SLC4A7: variants seen among roughly 807,000 people sequenced by gnomAD.
SLC4A7 encodes the protein solute carrier family 4 member 7, also known as sodium bicarbonate cotransporter 3.
SLC4A7 carries 51 observed loss-of-function variants against 137.6 expected under a neutral mutation model. That is an observed-to-expected ratio of 0.37 (90% CI 0.30 to 0.47). The LOEUF (loss-of-function observed/expected upper bound fraction) is 0.47, where lower values mean the gene tolerates loss of function less well. SLC4A7 is among the 20% of genes least tolerant of loss of function. The pLI is 1.00. For synonymous variants in SLC4A7, 542 were observed against 518.6 expected, an observed-to-expected ratio of 1.05 and a Z score of -0.61; for missense variants, 1,247 against 1,525.4, an observed-to-expected ratio of 0.82 and a Z score of 3.04.
chr3:27,466,887 A>T (rs1021279677), intron 1 of SLC4A7, among the ~76,000 whole-genome samples: 1 of 152,162 alleles, frequency 6.6e-6, no homozygotes, highest in Non-Finnish European at 1.5e-5. Context: ...AATTTTCTTT[A>T]TATTTTCCTA....
At position 27,376,835 on chromosome 3, in the gene SLC4A7, G is replaced by T; in HGVS notation, c.3709C>A (p.Pro1237Thr). The change falls in exon 26 of 26, where the codon CCT becomes ACT. Residue 1237 changes from proline (P) to threonine (T), a missense_variant. Coordinates refer to ENST00000454389, the MANE Select transcript of SLC4A7 (RefSeq NM_001321103.2). Reference sequence around the variant, plus strand: ...TCAAAACTTATTTTCACACTCACAGGTTTATCAGGACTATTTAAAACAAAG... The same window carrying T: ...TCAAAACTTATTTTCACACTCACAGTTTTATCAGGACTATTTAAAACAAAG... ...VTRSNMSPDK[P>T]VSVKISFEDE... 1 of 1,564,262 alleles carries T rather than the reference G, an allele frequency of 6.4e-7. No individual in the cohort carries two copies. The highest frequency in any genetic ancestry group is 8.8e-7 in the Non-Finnish European group (1 of 1,141,286).
At chr3:27,435,984 T>C (rs998842244) in intron 5 of SLC4A7, among the ~76,000 whole-genome samples, 1 of 152,248 alleles carries the variant, frequency 6.6e-6, no homozygotes, top group Non-Finnish European at 1.5e-5. Flanking sequence ...TTCCTGTCTA[T>C]ACTTCTCTAG....
chr3:27,403,883 C>T (rs182356210), intron 14 of SLC4A7, among the ~76,000 whole-genome samples: 1 of 152,330 alleles, frequency 6.6e-6, no homozygotes, highest in Admixed American at 6.5e-5. Flanking sequence ...TTATTTTAAA[C>T]TTCAAGAAAT....
intron 12 of SLC4A7, among the ~76,000 whole-genome samples, chr3:27,410,160 G>T (rs1308436530): frequency 6.6e-6 from 1 of 152,126 alleles, no homozygotes; most frequent in East Asian, 1.9e-4. Context: ...TCAATTAGTA[G>T]ATTAAAAATC....
rs139723855 is a variant in SLC4A7 at position 27,378,650 on chromosome 3, T to G, written c.3698+599A>C. On this transcript the variant is annotated intron_variant, in intron 25 of 25. Coordinates refer to ENST00000454389, the MANE Select transcript of SLC4A7 (RefSeq NM_001321103.2). ...CTGAATGGTCTTTATGTCAATGGAT[T>G]TGATTTCTTCCAAATATCTCCAAGC... Among the ~76,000 whole-genome samples the G allele has an allele frequency of 2.4e-3, 361 of 152,342 alleles. 7 individuals are homozygous for G. The highest frequency in any genetic ancestry group is 0.013 in the East Asian group (70 of 5,186).
intron 1 of SLC4A7, among the ~76,000 whole-genome samples, chr3:27,483,371 C>A (rs1262657376): frequency 1.3e-5 from 2 of 152,244 alleles, no homozygotes; most frequent in South Asian, 2.1e-4. Flanking sequence ...CACCAGACAG[C>A]TCAGGACACC....
At chr3:27,431,036 G>A (rs750011047) in intron 7 of SLC4A7, among the ~76,000 whole-genome samples, 6 of 151,580 alleles carry the variant, frequency 4.0e-5, no homozygotes, top group Non-Finnish European at 8.8e-5. Flanking sequence ...TTTTTATTAG[G>A]TTGGTGTAAA....
chr3:27,475,041 T>A (rs1279787107), intron 1 of SLC4A7, among the ~76,000 whole-genome samples: 23 of 151,764 alleles, frequency 1.5e-4, no homozygotes. Flanking sequence ...ACCTGGGAGG[T>A]GGAGGTTGCA....
At chr3:27,476,951 A>G (rs535657520) in intron 1 of SLC4A7, among the ~76,000 whole-genome samples, 10 of 152,340 alleles carry the variant, frequency 6.6e-5, no homozygotes, top group Admixed American at 5.9e-4. Context: ...GAATTTAGCA[A>G]TGAATGACCC....
intron 3 of SLC4A7, among the ~76,000 whole-genome samples, chr3:27,443,659 T>A (rs2057387731): frequency 6.6e-6 from 1 of 152,320 alleles, no homozygotes; most frequent in African/African-American, 2.4e-5. Flanking sequence ...CAAATTTTTC[T>A]CTAAAGTACT....
intron 1 of SLC4A7, among the ~76,000 whole-genome samples, chr3:27,458,109 A>C (rs1559819545): frequency 1.3e-5 from 2 of 152,212 alleles, no homozygotes; most frequent in Admixed American, 6.5e-5. Flanking sequence ...TATGCAGCAG[A>C]AATGTTTTTA....
chr3:27,447,959 C>A (rs1315419837), intron 3 of SLC4A7, among the ~76,000 whole-genome samples: 1 of 151,962 alleles, frequency 6.6e-6, no homozygotes, highest in Non-Finnish European at 1.5e-5. Context: ...CACCTGTAAT[C>A]CCAGCACTTT....
chr3:27,424,718 A>T (rs912841043), intron 7 of SLC4A7, among the ~76,000 whole-genome samples: 1 of 152,206 alleles, frequency 6.6e-6, no homozygotes, highest in East Asian at 1.9e-4. Flanking sequence ...ATTACTCCTA[A>T]GAAATCCAAC....
rs1334372614 is a variant in SLC4A7 at position 27,400,857 on chromosome 3, A to G, written c.2334T>C (p.Thr778=). The change falls in exon 16 of 26, where the codon ACT becomes ACC. Residue 778 remains threonine (T), a synonymous_variant. Coordinates refer to ENST00000454389, the MANE Select transcript of SLC4A7 (RefSeq NM_001321103.2). ...DKLTSYSCVC[T]EPPNPSNETL... Reference sequence around the variant, plus strand: ...TTTCATTGCTGGGGTTTGGAGGTTCAGTACATACACATCTGAGAAATTAGA... The same window carrying G: ...TTTCATTGCTGGGGTTTGGAGGTTCGGTACATACACATCTGAGAAATTAGA... The G allele has an allele frequency of 3.8e-6, 6 of 1,575,646 alleles. No homozygotes were observed. The highest frequency in any genetic ancestry group is 5.2e-6 in the Non-Finnish European group (6 of 1,144,914).
rs200611103 is a variant in SLC4A7 at position 27,398,396 on chromosome 3, C to T, written c.2428-43G>A. On this transcript the variant is annotated intron_variant, in intron 16 of 25. Transcript: ENST00000454389. ...GAAAAAGCAGAATGGGGGATTCTTA[C>T]GTATTCAATAAATTATTATGAGCTT... The T allele has an allele frequency of 1.2e-3, 1,835 of 1,520,492 alleles. 3 individuals carry two copies. The highest frequency in any genetic ancestry group is 1.6e-3 in the Middle Eastern group (9 of 5,726). 94.2% of individuals were successfully genotyped at this position (1,520,492 alleles called of 1,614,324 possible).
chr3:27,456,792 G>A (rs1010334925), intron 1 of SLC4A7: 140 of 1,503,840 alleles, frequency 9.3e-5, no homozygotes, highest in Middle Eastern at 1.8e-4. Context: ...TTGCAGAGAT[G>A]AATTCTTCTA....
chr3:27,373,404 T>C lies in SLC4A7; in HGVS notation c.*3360A>G, dbSNP rs187211286. On this transcript the variant is annotated 3_prime_UTR_variant, in exon 26 of 26. Coordinates refer to ENST00000454389, the MANE Select transcript of SLC4A7 (RefSeq NM_001321103.2). ...TAAACTTACTTTCTAAAATAAATAA[T>C]TGTTGGAATAAACCAAAAGACATTT... 167 of 152,286 alleles carry C rather than the reference T, an allele frequency of 1.1e-3. No individual in the cohort carries two copies. The highest frequency in any genetic ancestry group is 3.5e-3 in the Admixed American group (53 of 15,294). 9.4% of individuals were successfully genotyped at this position (152,286 alleles called of 1,614,324 possible).
chr3:27,467,624 C>T (rs2059064500), intron 1 of SLC4A7, among the ~76,000 whole-genome samples: 1 of 152,202 alleles, frequency 6.6e-6, no homozygotes. Flanking sequence ...ACATATGTTT[C>T]AGTGAGGAGC....
At position 27,375,588 on chromosome 3, in the gene SLC4A7, AATCT is replaced by A. The variant is rs1348171298; in HGVS notation, c.*1172_*1175del. 1 of 152,472 alleles carries A rather than the reference AATCT, an allele frequency of 6.6e-6. No homozygotes were observed. Among genetic ancestry groups the A allele is most frequent in the Admixed American group, 6.6e-5 (1 of 15,256 alleles). 9.4% of individuals were successfully genotyped at this position (152,472 alleles called of 1,614,324 possible). ...GCAGTGCTTTATATCAAAGATGTAA[AATCT>A]ATCAATTGCTTTAAGATAATAAACA... On this transcript the variant is annotated 3_prime_UTR_variant, in exon 26 of 26. Transcript: ENST00000454389.
Sources: gnomAD v4.1 joint callset for allele counts (sites outside exome capture counted in the v4.1 genomes callset) on GRCh38, gnomAD v4.1.1 for gene constraint, MANE v1.5 for transcripts, NCBI Gene and HGNC (gene_info 2026-07-23, HGNC 2026-07-21) for gene names.